PIK3R6: variants seen among roughly 807,000 people sequenced by gnomAD.
The protein encoded by PIK3R6 is phosphoinositide 3-kinase regulatory subunit 6.
In PIK3R6, 91 loss-of-function variants were observed where a neutral mutation model predicts 84.9. That is an observed-to-expected ratio of 1.07 (90% confidence interval 0.90 to 1.28). The LOEUF (loss-of-function observed/expected upper bound fraction) is 1.28, where lower values mean the gene tolerates loss of function less well. PIK3R6 is among the 50% of genes most tolerant of loss of function. The probability of loss-of-function intolerance (pLI) is 0.00; values close to 1 mark genes in which losing one functional copy is unlikely to be tolerated. For missense variants in PIK3R6, 996 were observed against 985.1 expected, an observed-to-expected ratio of 1.01 and a Z score of -0.15; for synonymous variants, 416 against 411.4, an observed-to-expected ratio of 1.01 and a Z score of -0.13.
Position 8,839,431 on chromosome 17 carries a change from A to G in PIK3R6, c.97+183T>C, listed in dbSNP as rs560332179. On this transcript the variant is annotated intron_variant, in intron 3 of 19. Transcript: ENST00000619866. The surrounding 1 kb of genome is among the most constrained non-coding windows in gnomAD (Gnocchi z 4.2). Reference sequence around the variant, plus strand: ...TGGCAGTTGCTGGGAGGGTTGAACTAGGGAGCAGAGAAGCCTTCTCAGTCC... The same window carrying G: ...TGGCAGTTGCTGGGAGGGTTGAACTGGGGAGCAGAGAAGCCTTCTCAGTCC... 2.6e-5 allele frequency among the ~76,000 whole-genome samples: 4 copies of G among 152,272 alleles called. No homozygotes were observed. Among genetic ancestry groups the G allele is most frequent in the African/African-American group, 7.2e-5 (3 of 41,554 alleles).
At chr17:8,822,367 C>G (rs2087766954) in intron 16 of PIK3R6, among the ~76,000 whole-genome samples, 1 of 152,186 alleles carries the variant, frequency 6.6e-6, no homozygotes, top group African/African-American at 2.4e-5. Context: ...GGTCAGCCCC[C>G]TTGTTCCTTA....
intron 10 of PIK3R6, 106 bp downstream of exon 10, chr17:8,829,600 A>T: frequency 8.5e-6 from 10 of 1,175,932 alleles, no homozygotes; most frequent in Non-Finnish European, 1.2e-6. Context: ...ACACTCATGC[A>T]TACACACACT....
chr17:8,838,506 C>A, intron 4 of PIK3R6, 58 bp downstream of exon 4: 1 of 1,499,452 alleles, frequency 6.7e-7, no homozygotes. Context: ...AGCCCCTGCC[C>A]AATTGGCCCC....
At chr17:8,832,053 A>C (rs1457001801) in intron 9 of PIK3R6, among the ~76,000 whole-genome samples, 1 of 152,214 alleles carries the variant, frequency 6.6e-6, no homozygotes, top group African/African-American at 2.4e-5. Context: ...GCTCTTTTAG[A>C]TGCTCTGGTC....
At chr17:8,841,050 C>G (rs2088663145) in intron 2 of PIK3R6, among the ~76,000 whole-genome samples, 1 of 152,118 alleles carries the variant, frequency 6.6e-6, no homozygotes, top group African/African-American at 2.4e-5. Context: ...CCACGCCAAG[C>G]CTTTGCCATT....
intron 1 of PIK3R6, among the ~76,000 whole-genome samples, chr17:8,860,285 G>A (rs547984369): frequency 1.4e-5 from 2 of 141,006 alleles, no homozygotes; most frequent in South Asian, 2.1e-4. Context: ...TCCGCCTCCT[G>A]GGGCGGGGGG....
intron 5 of PIK3R6, 39 bp downstream of exon 5, chr17:8,837,764 A>G: frequency 6.4e-7 from 1 of 1,551,902 alleles, no homozygotes; most frequent in Non-Finnish European, 8.9e-7. Context: ...AGCCACATGC[A>G]GGTCACCACT....
intron 13 of PIK3R6, among the ~76,000 whole-genome samples, chr17:8,824,880 A>G (rs2087867676): frequency 6.6e-6 from 1 of 152,240 alleles, no homozygotes; most frequent in Non-Finnish European, 1.5e-5. Context: ...AATATGTAAG[A>G]AGACACCCTC....
Position 8,803,813 on chromosome 17 carries a change from T to C in PIK3R6, c.2108+228A>G. On this transcript the variant is annotated intron_variant, in intron 19 of 19. Transcript: ENST00000619866. This position sits in a 1 kb window ranked among gnomAD's most constrained non-coding sequence, Gnocchi z 5.0. ...TGTATGCAGAGGCATCTGGGGAAAA[T>C]GCAATATCAGCTGCTGCCCTGGGTA... is the stretch of plus-strand genomic sequence containing the variant. 1.7e-6 allele frequency: 1 copy of C among 590,456 alleles called. No individual in the cohort carries two copies. The highest frequency in any genetic ancestry group is 3.0e-6 in the Non-Finnish European group (1 of 331,192). 36.6% of individuals were successfully genotyped at this position (590,456 alleles called of 1,614,324 possible).
intron 7 of PIK3R6, 35 bp downstream of exon 7, chr17:8,836,512 A>G: frequency 6.2e-7 from 1 of 1,609,298 alleles, no homozygotes; most frequent in Non-Finnish European, 8.5e-7. Flanking sequence ...CAGTTTTAGG[A>G]GGCTGAAGGT....
chr17:8,829,509 CT>C, intron 10 of PIK3R6, among the ~76,000 whole-genome samples, 196 bp downstream of exon 10: 2 of 117,706 alleles, frequency 1.7e-5, no homozygotes, highest in African/African-American at 3.9e-5. Flanking sequence ...CTGACACACA[CT>C]CATGCATACA....
intron 5 of PIK3R6, 109 bp from the exon 6 acceptor site, chr17:8,837,032 A>T (rs1178197295): frequency 2.4e-6 from 2 of 847,772 alleles, no homozygotes; most frequent in East Asian, 5.3e-5. Context: ...TTGGGAGAAG[A>T]GGTGGAAGGT....
intron 1 of PIK3R6, among the ~76,000 whole-genome samples, chr17:8,859,081 G>A (rs1017904840): frequency 7.2e-5 from 11 of 152,214 alleles, no homozygotes; most frequent in African/African-American, 2.7e-4. Context: ...AACAAAGCCT[G>A]AGAACTGATC....
rs199867090 is a variant in PIK3R6 at position 8,804,131 on chromosome 17, G to A, written c.2018C>T (p.Thr673Met). The A allele has an allele frequency of 4.1e-5, 66 of 1,613,850 alleles. No individual in the cohort carries two copies. The highest frequency in any genetic ancestry group is 3.3e-4 in the Middle Eastern group (2 of 6,084). ...CCGGCTCTGGATCTGGATATTGTTC[G>A]TCCTGAAGGTGTTGGTCACTGTCTG... ...SFSTVTNTFR[T>M]NNIQIQSRDQ... Residue 673 changes from threonine (T) to methionine (M), a missense_variant, in exon 19 of 20, where the codon ACG (threonine) becomes ATG (methionine). Thr to Met is a moderately conservative substitution (Grantham distance 81). Coordinates refer to ENST00000619866, the MANE Select transcript of PIK3R6 (RefSeq NM_001010855.4).
At position 8,822,601 on chromosome 17, in the gene PIK3R6, G is replaced by C; in HGVS notation, c.1774C>G (p.Leu592Val). 1 of 1,614,002 alleles carries C rather than the reference G, an allele frequency of 6.2e-7. No individual in the cohort carries two copies. Among genetic ancestry groups the C allele is most frequent in the Non-Finnish European group, 8.5e-7 (1 of 1,179,878 alleles). ...TGCACACTGACCTTCTGGTAGCATA[G>C]GGAGAGCTCTGCCCCTGGGCCCTCA... ...VAEGPGAELSLCYQKALLSHR... is the reference protein window; with the variant it reads ...VAEGPGAELSVCYQKALLSHR... The change falls in exon 16 of 20, where the codon CTA becomes GTA. Residue 592 changes from leucine (L) to valine (V), a missense_variant. Physicochemically the swap from Leu to Val is conservative, Grantham distance 32 (BLOSUM62 1). Coordinates refer to ENST00000619866, the MANE Select transcript of PIK3R6 (RefSeq NM_001010855.4).
In PIK3R6 at chr17:8,836,984, G is replaced by A. The variant is rs191958125; in HGVS notation, c.259-61C>T. ...GAGGTGGAGGTAAGAGGGAGGAGGG[G>A]GAGGTGAAGGGTCCCGGGGGAGTTT... On this transcript the variant is annotated intron_variant, in intron 5 of 19. Coordinates refer to ENST00000619866, the MANE Select transcript of PIK3R6 (RefSeq NM_001010855.4). 196 of 1,192,680 alleles carry A rather than the reference G, an allele frequency of 1.6e-4. 2 individuals are homozygous for A. In the African/African-American group the frequency reaches 2.7e-3, roughly 16 times the overall value. The allele number at this position is 1,192,680 out of a possible 1,614,324, so 73.9% of individuals were successfully genotyped here. A position where few individuals can be genotyped will look rare whatever the true frequency, so the allele number is the denominator to read the frequency against.
chr17:8,832,289 T>C (rs928144972), intron 9 of PIK3R6, among the ~76,000 whole-genome samples: 4 of 152,016 alleles, frequency 2.6e-5, no homozygotes, highest in African/African-American at 7.2e-5. Flanking sequence ...TATATTTAAA[T>C]ATATGTAAGG....
Position 8,833,791 on chromosome 17 carries a change from T to C in PIK3R6, c.646-746A>G, listed in dbSNP as rs568528913. On this transcript the variant is annotated intron_variant, in intron 8 of 19. Coordinates refer to ENST00000619866, the MANE Select transcript of PIK3R6 (RefSeq NM_001010855.4). ...TCCTGACCTCATGATCTGCCTGCCT[T>C]GGCCTCCCAAAGTGTTGGGATTACA... 3.9e-5 allele frequency among the ~76,000 whole-genome samples: 6 copies of C among 151,958 alleles called. No individual in the cohort carries two copies. The East Asian group carries it at 1.2e-3, about 30-fold the overall frequency.
intron 16 of PIK3R6, 50 bp downstream of exon 16, chr17:8,822,537 C>A (rs757417579): frequency 3.8e-6 from 6 of 1,591,790 alleles, no homozygotes; most frequent in Non-Finnish European, 5.2e-6. Context: ...GGCCTGCTCC[C>A]TCCAGCTGTA....
Sources: gnomAD v4.1 joint callset for allele counts (sites outside exome capture counted in the v4.1 genomes callset) on GRCh38, gnomAD v4.1.1 for gene constraint, Gnocchi (gnomAD v3.1) non-coding constraint, MANE v1.5 for transcripts, NCBI Gene and HGNC (gene_info 2026-07-23, HGNC 2026-07-21) for gene names.